The following EP300 variants were observed in gnomAD, a reference collection of about 807,000 sequenced individuals.
The protein encoded by EP300 is EP300 lysine acetyltransferase.
Under a neutral mutation model 264.0 loss-of-function variants are expected in EP300, and 31 were observed. The observed-to-expected ratio is 0.12, with a 90% CI of 0.09 to 0.16. The LOEUF (loss-of-function observed/expected upper bound fraction) is 0.16, where lower values mean the gene tolerates loss of function less well. Among genes scored for constraint, EP300 ranks in the 10% least tolerant of loss-of-function variants. The pLI is 1.00. For missense variants in EP300, 2,766 were observed against 3,052.9 expected (o/e 0.91, Z 2.21); for synonymous variants, 1,340 against 1,045.4 (o/e 1.28, Z -5.44).
chr22:41,175,409 A>C (rs1956988108), intron 29 of EP300, among the ~76,000 whole-genome samples: 1 of 152,222 alleles, frequency 6.6e-6, no homozygotes, highest in Admixed American at 6.5e-5. Context: ...TTATATACTA[A>C]TTAATGTCAA....
In EP300 at chr22:41,141,365, TCTA is replaced by T. The variant is rs558161168; in HGVS notation, c.2053+147_2053+149del. 226 of 847,500 alleles carry T rather than the reference TCTA, an allele frequency of 2.7e-4. 1 individual carries two copies. In the African/African-American group the frequency reaches 3.5e-3, roughly 13 times the overall value. The allele number at this position is 847,500 out of a possible 1,614,324, so 52.5% of individuals were successfully genotyped here. A position where few individuals can be genotyped will look rare whatever the true frequency, so the allele number is the denominator to read the frequency against. Reference sequence around the variant, plus strand: ...TTGCCTTTGCAAAGAAAATAACTCATCTACTAGTAAAAACAGAAGCAGAACAAG... The same window carrying T: ...TTGCCTTTGCAAAGAAAATAACTCATCTAGTAAAAACAGAAGCAGAACAAG... On this transcript the variant is annotated intron_variant, in intron 10 of 30. Transcript: ENST00000263253.
intron 1 of EP300, among the ~76,000 whole-genome samples, 159 bp downstream of exon 1, chr22:41,093,257 C>G (rs971015700): frequency 6.6e-6 from 1 of 152,138 alleles, no homozygotes; most frequent in African/African-American, 2.4e-5. Flanking sequence ...CGTCCAGTAG[C>G]CCAACCATTT....
In EP300 at chr22:41,178,125, G is replaced by A. The variant is rs374679651; in HGVS notation, c.6414G>A (p.Ala2138=). The change falls in exon 31 of 31, where the codon GCG becomes GCA. Residue 2138 remains alanine, a synonymous_variant. Transcript: ENST00000263253. ...TGCAGAACATGAATCCAATGCAGGCGGGCGTTCAGAGGGCTGGCCTGCCCC... is the reference window on the plus strand; with the variant it reads ...TGCAGAACATGAATCCAATGCAGGCAGGCGTTCAGAGGGCTGGCCTGCCCC... ...PAMQNMNPMQ[A]GVQRAGLPQQ... 3.8e-5 allele frequency: 61 copies of A among 1,614,136 alleles called. No homozygotes were observed. Among genetic ancestry groups the A allele is most frequent in the African/African-American group, 2.0e-4 (15 of 75,036 alleles).
At chr22:41,126,306 T>C (rs1405186922) in intron 3 of EP300, 1 of 415,824 alleles carries the variant, frequency 2.4e-6, no homozygotes, top group Non-Finnish European at 4.4e-6. Context: ...GGGCCTGCCA[T>C]TCAGCAACTT....
chr22:41,156,691 C>A (rs1374373278), intron 17 of EP300, among the ~76,000 whole-genome samples: 1 of 152,158 alleles, frequency 6.6e-6, no homozygotes, highest in Non-Finnish European at 1.5e-5. Flanking sequence ...CACCACTGCA[C>A]TCCAGCCTGG....
intron 6 of EP300, among the ~76,000 whole-genome samples, chr22:41,132,756 A>G (rs895959987): frequency 2.6e-5 from 4 of 152,114 alleles, no homozygotes; most frequent in African/African-American, 9.7e-5. Flanking sequence ...TGCCTTTTCA[A>G]ATAGTTTTTT....
At chr22:41,114,172 TTTGTTGTTG>T (rs777548118) in intron 1 of EP300, among the ~76,000 whole-genome samples, 4 of 150,378 alleles carry the variant, frequency 2.7e-5, no homozygotes, top group African/African-American at 9.7e-5. Flanking sequence ...CATTTGGGTA[TTTGTTGTTG>T]TTGTTGTTGT....
intron 4 of EP300, 87 bp downstream of exon 4, chr22:41,127,835 A>G: frequency 1.9e-6 from 3 of 1,539,494 alleles, no homozygotes; most frequent in Non-Finnish European, 2.7e-6. Context: ...TTTTGTGGTG[A>G]TGGATATGTT....
At position 41,168,732 on chromosome 22, in the gene EP300, G is replaced by A. The variant is rs1196479554; in HGVS notation, c.4037G>A (p.Ser1346Asn). Reference protein sequence around the residue: ...KPGMKARFVDSGEMAESFPYR... With the variant: ...KPGMKARFVDNGEMAESFPYR... ...TCTCAATTGTATAGGTTTGTGGACAGTGGAGAGATGGCAGAATCCTTTCCA... is the reference window on the plus strand; with the variant it reads ...TCTCAATTGTATAGGTTTGTGGACAATGGAGAGATGGCAGAATCCTTTCCA... Residue 1346 changes from serine to asparagine, a missense_variant, in exon 25 of 31, where the codon AGT becomes AAT. Physicochemically the swap from Ser to Asn is conservative, Grantham distance 46. Coordinates refer to ENST00000263253, the MANE Select transcript of EP300 (RefSeq NM_001429.4). 1.2e-6 allele frequency: 2 copies of A among 1,614,230 alleles called. No homozygotes were observed. The highest frequency in any genetic ancestry group is 2.2e-5 in the South Asian group (2 of 91,086).
chr22:41,094,949 A>T (rs954300481), intron 1 of EP300, among the ~76,000 whole-genome samples: 1 of 152,144 alleles, frequency 6.6e-6, no homozygotes, highest in African/African-American at 2.4e-5. Flanking sequence ...TTGAATAATT[A>T]CAAGAGTTTT....
rs750808966 is a variant in EP300, at chr22:41,168,832, A to G, written c.4137A>G (p.Gln1379=). ...TGTGCTTCTTTGGCATGCATGTTCAAGAGTATGGCTCTGACTGCCCTCCAC... is the reference window on the plus strand; with the variant it reads ...TGTGCTTCTTTGGCATGCATGTTCAGGAGTATGGCTCTGACTGCCCTCCAC... ...VDLCFFGMHV[Q]EYGSDCPPPN... Residue 1379 remains glutamine, a synonymous_variant, in exon 25 of 31, where the codon CAA becomes CAG. Transcript: ENST00000263253. 1.9e-6 allele frequency: 3 copies of G among 1,614,194 alleles called. No individual in the cohort carries two copies. In the South Asian group the frequency reaches 3.3e-5, roughly 18 times the overall value.
At chr22:41,157,666 C>T (rs552491363) in intron 18 of EP300, among the ~76,000 whole-genome samples, 6 of 151,828 alleles carry the variant, frequency 4.0e-5, no homozygotes, top group South Asian at 2.1e-4. Flanking sequence ...TACAGCCGTA[C>T]GCCACCATGC....
intron 1 of EP300, among the ~76,000 whole-genome samples, chr22:41,093,912 A>T (rs1480953643): frequency 6.6e-6 from 1 of 152,250 alleles, no homozygotes; most frequent in Admixed American, 6.5e-5. Context: ...CATGAACTAC[A>T]AACGTGAACT....
At chr22:41,109,541 C>G (rs1285960710) in intron 1 of EP300, among the ~76,000 whole-genome samples, 1 of 152,106 alleles carries the variant, frequency 6.6e-6, no homozygotes, top group African/African-American at 2.4e-5. Context: ...TGGGCTATCT[C>G]CTAATAGTGT....
chr22:41,163,957 A>T, intron 21 of EP300, 96 bp from the exon 22 acceptor site: 1 of 1,101,056 alleles, frequency 9.1e-7, no homozygotes, highest in Non-Finnish European at 1.4e-6. Context: ...TTTGGTCATG[A>T]CCTTGGCTGT....
chr22:41,154,874 G>T (rs953686527), intron 16 of EP300, 121 bp from the exon 17 acceptor site: 1 of 733,144 alleles, frequency 1.4e-6, no homozygotes, highest in South Asian at 1.5e-5. Context: ...TTTCCATGGG[G>T]ACAGAGTGGT....
intron 2 of EP300, among the ~76,000 whole-genome samples, chr22:41,118,913 A>AT (rs891825691): frequency 3.3e-5 from 5 of 150,174 alleles, no homozygotes; most frequent in Non-Finnish European, 5.9e-5. Context: ...AAAACCTTAA[A>AT]TTTTTTTTTG....
intron 1 of EP300, among the ~76,000 whole-genome samples, chr22:41,097,369 G>A (rs1009469452): frequency 6.6e-6 from 1 of 152,204 alleles, no homozygotes; most frequent in East Asian, 1.9e-4. Flanking sequence ...ATAGGGAGGA[G>A]GGAGGAAAGG....
At position 41,117,171 on chromosome 22, in the gene EP300, T is replaced by G. The variant is rs5758235; in HGVS notation, c.95-16T>G. On this transcript the variant is annotated splice_polypyrimidine_tract_variant and intron_variant, in intron 1 of 30. Transcript: ENST00000263253. ...TTTGTCATACTTTGACCTTTGTCTT[T>G]TCCCTTTGCTTTTAGATTTTGGCTC... The G allele has an allele frequency of 6.2e-7, 1 of 1,612,816 alleles. No individual in the cohort carries two copies. Among genetic ancestry groups the G allele is most frequent in the South Asian group, 1.1e-5 (1 of 90,998 alleles).
Sources: allele counts gnomAD v4.1 joint callset (sites outside exome capture counted in the v4.1 genomes callset), GRCh38; gene constraint gnomAD v4.1.1; transcripts MANE v1.5; gene names NCBI Gene and HGNC (gene_info 2026-07-23, HGNC 2026-07-21).